CTNNA3: variants seen among roughly 807,000 people sequenced by gnomAD.
CTNNA3 encodes the protein catenin alpha-3.
Under a neutral mutation model 95.7 loss-of-function variants are expected in CTNNA3, and 76 were observed. The observed-to-expected ratio is 0.79, with a 90% CI of 0.66 to 0.96. The LOEUF (loss-of-function observed/expected upper bound fraction) is 0.96, where lower values mean the gene tolerates loss of function less well. Ranked by LOEUF, CTNNA3 falls within the 40% of genes least tolerant of loss-of-function variation. CTNNA3 has a pLI of 0.00. For missense variants in CTNNA3, 1,191 were observed against 1,089.8 expected, an observed-to-expected ratio of 1.09 and a Z score of -1.31; for synonymous variants, 431 against 374.4, an observed-to-expected ratio of 1.15 and a Z score of -1.74.
At chr10:66,764,396 A>G (rs1466222811) in intron 9 of CTNNA3, among the ~76,000 whole-genome samples, 2 of 152,176 alleles carry the variant, frequency 1.3e-5, no homozygotes, top group African/African-American at 4.8e-5. Context: ...AGAAAGAGAG[A>G]TAAGCTGATT....
Position 66,997,528 on chromosome 10 carries a change from T to G in CTNNA3, c.1047+182789A>C, listed in dbSNP as rs540936390. ...CTGTTCATAAGCTCTGGTAAAACTT[T>G]TAGATCCCTGCTATTTAGTAAATCT... On this transcript the variant is annotated intron_variant, in intron 7 of 17. Coordinates refer to ENST00000433211, the MANE Select transcript of CTNNA3 (RefSeq NM_013266.4). 3.3e-5 allele frequency among the ~76,000 whole-genome samples: 5 copies of G among 152,314 alleles called. No homozygotes were observed. The South Asian group carries it at 1.0e-3, about 32-fold the overall frequency.
chr10:66,149,081 G>A (rs2084048642), intron 13 of CTNNA3, among the ~76,000 whole-genome samples: 1 of 150,092 alleles, frequency 6.7e-6, no homozygotes, highest in African/African-American at 2.4e-5. Context: ...TTCAATTATA[G>A]TTAACTATAT....
intron 7 of CTNNA3, among the ~76,000 whole-genome samples, chr10:67,171,695 T>A (rs975243399): frequency 3.3e-5 from 5 of 152,022 alleles, no homozygotes; most frequent in Non-Finnish European, 5.9e-5. Context: ...AAAGCTGCAG[T>A]GAGCTGTGAT....
chr10:67,526,349 ATTTT>A (rs34051034), intron 4 of CTNNA3, among the ~76,000 whole-genome samples: 6 of 135,634 alleles, frequency 4.4e-5, no homozygotes, highest in Admixed American at 7.4e-5. Context: ...ATCTCAAATG[ATTTT>A]TTTTTTTTTT....
At chr10:66,739,848 T>G (rs1849268876) in intron 9 of CTNNA3, among the ~76,000 whole-genome samples, 1 of 152,190 alleles carries the variant, frequency 6.6e-6, no homozygotes, top group Non-Finnish European at 1.5e-5. Flanking sequence ...ATACATAAAA[T>G]ATATACATAT....
At chr10:66,107,786 G>A (rs1192927245) in intron 13 of CTNNA3, among the ~76,000 whole-genome samples, 1 of 151,822 alleles carries the variant, frequency 6.6e-6, no homozygotes, top group African/African-American at 2.4e-5. Context: ...AAAGAAATTT[G>A]TGGTTGCTAA....
At chr10:66,827,508 A>G (rs1262546077) in intron 7 of CTNNA3, among the ~76,000 whole-genome samples, 3 of 152,186 alleles carry the variant, frequency 2.0e-5, no homozygotes, top group African/African-American at 7.2e-5. Flanking sequence ...CTGCTATGCA[A>G]TATAGTGGAA....
In CTNNA3 at chr10:66,596,123, A is replaced by G. The variant is rs191764338; in HGVS notation, c.1374+25569T>C. ...TCCCACCCAGAATACTAAGGGGATTAGCAAAATGAAATAATCTTGGGGACA... is the reference window on the plus strand; with the variant it reads ...TCCCACCCAGAATACTAAGGGGATTGGCAAAATGAAATAATCTTGGGGACA... On this transcript the variant is annotated intron_variant, in intron 10 of 17. Coordinates refer to ENST00000433211, the MANE Select transcript of CTNNA3 (RefSeq NM_013266.4). Among the ~76,000 whole-genome samples the G allele has an allele frequency of 1.6e-4, 24 of 152,194 alleles. No individual in the cohort carries two copies. In the East Asian group the frequency reaches 4.5e-3, roughly 28 times the overall value.
intron 9 of CTNNA3, among the ~76,000 whole-genome samples, chr10:66,632,143 T>C (rs1452436746): frequency 6.6e-6 from 1 of 152,028 alleles, no homozygotes; most frequent in East Asian, 1.9e-4. Flanking sequence ...TATTGCAAAA[T>C]ATAATGTTAT....
At chr10:66,385,559 G>T (rs1406648301) in intron 11 of CTNNA3, among the ~76,000 whole-genome samples, 2 of 151,892 alleles carry the variant, frequency 1.3e-5, no homozygotes, top group Non-Finnish European at 2.9e-5. Flanking sequence ...CCAATCAACA[G>T]AAAAAAAGGG....
intron 13 of CTNNA3, among the ~76,000 whole-genome samples, chr10:66,142,409 A>G (rs879773639): frequency 3.3e-5 from 5 of 152,040 alleles, no homozygotes; most frequent in Non-Finnish European, 5.9e-5. Flanking sequence ...TGATTATGGA[A>G]GCTTTATGGT....
At chr10:67,385,826 T>C (rs1323369153) in intron 5 of CTNNA3, among the ~76,000 whole-genome samples, 1 of 140,986 alleles carries the variant, frequency 7.1e-6, no homozygotes, top group Non-Finnish European at 1.5e-5. Flanking sequence ...GGATATACCC[T>C]GAAGGATCTC....
intron 9 of CTNNA3, among the ~76,000 whole-genome samples, chr10:66,671,260 G>A (rs10997293): frequency 0.021 from 3,153 of 152,050 alleles, 112 homozygotes; most frequent in East Asian, 0.17. Flanking sequence ...AAAATATGAC[G>A]CAATAACAAT....
At chr10:67,731,598 C>T (rs1033964068) in intron 1 of CTNNA3, among the ~76,000 whole-genome samples, 7 of 151,900 alleles carry the variant, frequency 4.6e-5, no homozygotes, top group African/African-American at 1.7e-4. Flanking sequence ...GTCAGGAGAT[C>T]GAGACCATCC....
At chr10:66,041,093 C>T (rs752058870) in intron 15 of CTNNA3, among the ~76,000 whole-genome samples, 5 of 152,156 alleles carry the variant, frequency 3.3e-5, no homozygotes, top group Non-Finnish European at 5.9e-5. Context: ...ACATGATGTA[C>T]TCCCTGATAT....
At chr10:66,084,695 T>C (rs1220986243) in intron 14 of CTNNA3, among the ~76,000 whole-genome samples, 1 of 152,174 alleles carries the variant, frequency 6.6e-6, no homozygotes, top group Non-Finnish European at 1.5e-5. Flanking sequence ...AAGATTCATT[T>C]AATAAATCCC....
chr10:67,720,712 G>A (rs985850686), intron 1 of CTNNA3, among the ~76,000 whole-genome samples: 19 of 152,180 alleles, frequency 1.2e-4, no homozygotes, highest in African/African-American at 4.3e-4. Flanking sequence ...CCAGCACTTT[G>A]AGAGGCTGAA....
At chr10:67,689,422 T>C (rs573573769) in intron 1 of CTNNA3, among the ~76,000 whole-genome samples, 1 of 152,128 alleles carries the variant, frequency 6.6e-6, no homozygotes, top group African/African-American at 2.4e-5. Context: ...AGTCCTGAAG[T>C]TTATACTAGA....
chr10:65,963,961 C>T (rs2077906165), intron 17 of CTNNA3, among the ~76,000 whole-genome samples: 1 of 152,226 alleles, frequency 6.6e-6, no homozygotes, highest in African/African-American at 2.4e-5. Context: ...GAAATGCATT[C>T]CGTTCACACC....
Sources: allele counts gnomAD v4.1 joint callset (sites outside exome capture counted in the v4.1 genomes callset), GRCh38; gene constraint gnomAD v4.1.1; transcripts MANE v1.5; gene names NCBI Gene and HGNC (gene_info 2026-07-23, HGNC 2026-07-21).